The following NSMAF variants were observed in gnomAD, a reference collection of about 807,000 sequenced individuals.
NSMAF encodes neutral sphingomyelinase activation associated factor.
Under a neutral mutation model 134.9 loss-of-function variants are expected in NSMAF, and 90 were observed. The observed-to-expected ratio is 0.67, with a 90% CI of 0.56 to 0.79. The LOEUF (loss-of-function observed/expected upper bound fraction) is 0.79, where lower values mean the gene tolerates loss of function less well. Among genes scored for constraint, NSMAF ranks in the 30% least tolerant of loss-of-function variants. NSMAF has a pLI of 0.00. For synonymous variants in NSMAF, 358 were observed against 389.6 expected (o/e 0.92, Z 0.96); for missense variants, 1,010 against 1,119.0 (o/e 0.90, Z 1.39).
chr8:58,652,074 G>A (rs1051879368), intron 1 of NSMAF, among the ~76,000 whole-genome samples: 1 of 152,108 alleles, frequency 6.6e-6, no homozygotes, highest in Non-Finnish European at 1.5e-5. Flanking sequence ...ACTTGGATCA[G>A]AGAACATTTG....
chr8:58,585,933 C>T lies in NSMAF; in HGVS notation c.2514G>A (p.Met838Ile), dbSNP rs1426281210. The T allele has an allele frequency of 6.2e-7, 1 of 1,614,010 alleles. No individual in the cohort carries two copies. The highest frequency in any genetic ancestry group is 1.7e-5 in the Admixed American group (1 of 60,018). Reference protein sequence around the residue: ...CLNVIDVQTGMLISSMTSDEP... With the variant: ...CLNVIDVQTGILISSMTSDEP... Reference sequence around the variant, plus strand: ...CATCTGATGTCATGGAGGAGATGAGCATTCCTGTCTGCACATCAATGACAT... The same window carrying T: ...CATCTGATGTCATGGAGGAGATGAGTATTCCTGTCTGCACATCAATGACAT... The change falls in exon 29 of 31, where the codon ATG becomes ATA. Residue 838 changes from methionine to isoleucine, a missense_variant. Coordinates refer to ENST00000038176, the MANE Select transcript of NSMAF (RefSeq NM_003580.4).
intron 6 of NSMAF, among the ~76,000 whole-genome samples, chr8:58,628,167 A>G (rs1473427692): frequency 6.6e-6 from 1 of 152,240 alleles, no homozygotes; most frequent in Non-Finnish European, 1.5e-5. Context: ...TGGTGCTAGG[A>G]AAACTGGCAA....
At chr8:58,585,317 G>GTTATTTTTTT (rs1554572269) in intron 30 of NSMAF, among the ~76,000 whole-genome samples, 2 of 144,330 alleles carry the variant, frequency 1.4e-5, no homozygotes, top group Admixed American at 6.9e-5. Context: ...TTGTTTCTGG[G>GTTATTTTTTT]TTTTTTTTTT....
chr8:58,606,962 A>G (rs1248875339), intron 11 of NSMAF, among the ~76,000 whole-genome samples: 1 of 152,214 alleles, frequency 6.6e-6, no homozygotes, highest in Non-Finnish European at 1.5e-5. Flanking sequence ...TACCCAAAAG[A>G]GGAGATTTTT....
intron 1 of NSMAF, chr8:58,659,114 T>G (rs1807792278): frequency 5.9e-6 from 5 of 846,810 alleles, no homozygotes; most frequent in Non-Finnish European, 7.7e-6. Context: ...GGCGACCAAC[T>G]CTGCGGCGCC....
chr8:58,597,525 C>G lies in NSMAF; in HGVS notation c.1654G>C (p.Ala552Pro), dbSNP rs747750203. The G allele has an allele frequency of 1.9e-6, 3 of 1,614,186 alleles. No homozygotes were observed. Among genetic ancestry groups the G allele is most frequent in the Non-Finnish European group, 2.5e-6 (3 of 1,180,012 alleles). ...NSIQDPDEKV[A>P]MLTQILEFGQ... is the part of the protein sequence containing the mutation. ...AATTCCAAGATTTGCGTAAGCATGG[C>G]TACCTTCTCATCAGGATCCTGGATG... is the stretch of plus-strand genomic sequence containing the variant. The change falls in exon 21 of 31, where the codon GCC (alanine) becomes CCC (proline). Residue 552 changes from alanine to proline, a missense_variant. By Grantham distance (27) the Ala-to-Pro change is conservative. Coordinates refer to ENST00000038176, the MANE Select transcript of NSMAF (RefSeq NM_003580.4).
intron 23 of NSMAF, among the ~76,000 whole-genome samples, chr8:58,592,902 C>CAAAAAAA (rs1194341835): frequency 2.6e-5 from 3 of 114,402 alleles, no homozygotes; most frequent in East Asian, 2.8e-4. Context: ...AAAACAAAAA[C>CAAAAAAA]AAAAACAACA....
At chr8:58,604,025 C>T (rs1175023059) in intron 12 of NSMAF, among the ~76,000 whole-genome samples, 1 of 152,172 alleles carries the variant, frequency 6.6e-6, no homozygotes, top group African/African-American at 2.4e-5. Context: ...GAGAACTTCC[C>T]TTTCAGAGTG....
At chr8:58,605,905 C>T in intron 12 of NSMAF, 22 bp downstream of exon 12, 1 of 1,467,856 alleles carries the variant, frequency 6.8e-7, no homozygotes, top group Non-Finnish European at 9.0e-7. Context: ...AAGAAAGAAA[C>T]AATGAAGGGT....
intron 10 of NSMAF, 121 bp downstream of exon 10, chr8:58,609,483 G>T: frequency 2.2e-6 from 2 of 892,788 alleles, no homozygotes; most frequent in Non-Finnish European, 3.5e-6. Flanking sequence ...GCCTGTGAAG[G>T]GGGTGGGCAG....
At chr8:58,585,238 T>C (rs1194007525) in intron 30 of NSMAF, among the ~76,000 whole-genome samples, 1 of 151,910 alleles carries the variant, frequency 6.6e-6, no homozygotes, top group Admixed American at 6.6e-5. Flanking sequence ...TAAAGTACTG[T>C]AAGGAGGACT....
chr8:58,612,505 A>G (rs917132334), intron 9 of NSMAF, among the ~76,000 whole-genome samples: 3 of 152,142 alleles, frequency 2.0e-5, no homozygotes, highest in Admixed American at 6.5e-5. Context: ...ACTGGTAAAC[A>G]TAAGTAAATA....
At chr8:58,618,583 C>T (rs972059682) in intron 9 of NSMAF, among the ~76,000 whole-genome samples, 2 of 151,614 alleles carry the variant, frequency 1.3e-5, no homozygotes, top group African/African-American at 4.8e-5. Flanking sequence ...ATATATAATA[C>T]AAACATACAC....
intron 21 of NSMAF, among the ~76,000 whole-genome samples, chr8:58,596,841 C>T (rs747741771): frequency 2.7e-5 from 4 of 150,768 alleles, no homozygotes; most frequent in Non-Finnish European, 5.9e-5. Context: ...GGCAGGAGAA[C>T]GGCGGCGTGA....
At position 58,599,881 on chromosome 8, in the gene NSMAF, C is replaced by T. The variant is rs116358575; in HGVS notation, c.1333-11G>A. ...GAATTCTGGAATTAACTGAAAGTTTCGGGGAAAAATAAAAAAGAACAACAA... is the reference window on the plus strand; with the variant it reads ...GAATTCTGGAATTAACTGAAAGTTTTGGGGAAAAATAAAAAAGAACAACAA... On this transcript the variant is annotated splice_polypyrimidine_tract_variant and intron_variant, in intron 17 of 30. Coordinates refer to ENST00000038176, the MANE Select transcript of NSMAF (RefSeq NM_003580.4). 3.2e-3 allele frequency: 5,188 copies of T among 1,611,918 alleles called. 143 individuals carry two copies. In the African/African-American group the frequency reaches 0.059, roughly 18 times the overall value.
intron 27 of NSMAF, among the ~76,000 whole-genome samples, chr8:58,586,953 C>G (rs1219288614): frequency 6.6e-6 from 1 of 152,150 alleles, no homozygotes; most frequent in Non-Finnish European, 1.5e-5. Context: ...CACAGCCAGT[C>G]CATGATTATT....
intron 23 of NSMAF, 101 bp from the exon 24 acceptor site, chr8:58,591,035 CTTT>C: frequency 3.1e-6 from 4 of 1,310,824 alleles, no homozygotes; most frequent in Non-Finnish European, 4.1e-6. Context: ...CAACAGTACA[CTTT>C]ATACTCCAAA....
At chr8:58,657,993 C>T (rs935842387) in intron 1 of NSMAF, among the ~76,000 whole-genome samples, 7 of 152,164 alleles carry the variant, frequency 4.6e-5, no homozygotes, top group African/African-American at 1.7e-4. Flanking sequence ...CCAAATTGAA[C>T]ACAAATTACT....
chr8:58,654,199 A>G (rs1175559861), intron 1 of NSMAF, among the ~76,000 whole-genome samples: 3 of 152,240 alleles, frequency 2.0e-5, no homozygotes, highest in African/African-American at 7.2e-5. Flanking sequence ...TAAGCCTTAG[A>G]AATGAAAGAT....
Sources: gnomAD v4.1 joint callset for allele counts (sites outside exome capture counted in the v4.1 genomes callset) on GRCh38, gnomAD v4.1.1 for gene constraint, MANE v1.5 for transcripts, NCBI Gene and HGNC (gene_info 2026-07-23, HGNC 2026-07-21) for gene names.